The following NAA10 variants were observed in gnomAD, a reference collection of about 807,000 sequenced individuals.
NAA10 encodes the protein N-alpha-acetyltransferase 10.
Under a neutral mutation model 19.2 loss-of-function variants are expected in NAA10, and 6 were observed. The ratio of observed to expected loss-of-function variants is 0.31; its 90% CI spans 0.17 to 0.62. NAA10 has a LOEUF of 0.62. Among genes scored for constraint, NAA10 ranks in the 20% least tolerant of loss-of-function variants. The pLI is 0.83. For missense variants in NAA10, 101 were observed against 198.4 expected, an observed-to-expected ratio of 0.51 and a Z score of 2.95; for synonymous variants, 97 against 79.9, an observed-to-expected ratio of 1.21 and a Z score of -1.14.
At chrX:153,934,563 C>A in intron 1 of NAA10, 88 bp from the exon 2 acceptor site, 1 of 767,849 alleles carries the variant, frequency 1.3e-6, no homozygotes, top group South Asian at 2.2e-5. Flanking sequence ...GTCTGCTCGG[C>A]CCCGCTCCCT....
chrX:153,931,762 A>G (rs898152630), intron 6 of NAA10: 5 of 1,027,985 alleles, frequency 4.9e-6, no homozygotes, highest in Non-Finnish European at 6.2e-6. Context: ...AGGGACCCAC[A>G]CCTCTCTATT....
chrX:153,930,903 C>T, intron 6 of NAA10, 56 bp from the exon 7 acceptor site: 1 of 1,211,310 alleles, frequency 8.3e-7, no homozygotes, highest in Non-Finnish European at 1.1e-6. Flanking sequence ...GGGACACCCT[C>T]CTCCACTCCT....
At chrX:153,934,076 C>T in intron 2 of NAA10, 75 bp from the exon 3 acceptor site, 1 of 966,940 alleles carries the variant, frequency 1.0e-6, no homozygotes, top group Non-Finnish European at 1.5e-6. Context: ...ACAAACTGGA[C>T]GAGTGGCGAG....
intron 6 of NAA10, chrX:153,931,470 C>T (rs2065166087): frequency 3.7e-6 from 3 of 803,555 alleles, no homozygotes; most frequent in Admixed American, 7.0e-5. Context: ...CCCTACCAAA[C>T]GGGCTGAGTG....
intron 7 of NAA10, 79 bp from the exon 8 acceptor site, chrX:153,930,302 C>T (rs1557107193): frequency 6.3e-6 from 6 of 959,996 alleles, no homozygotes; most frequent in Admixed American, 2.2e-5. Flanking sequence ...CTGGCCCTGT[C>T]GCTGGCTGAG....
intron 6 of NAA10, chrX:153,931,110 C>T: frequency 9.4e-7 from 1 of 1,060,477 alleles, no homozygotes; most frequent in South Asian, 2.2e-5. Flanking sequence ...TTCTTGTGAG[C>T]TGAAGCCCTG....
chrX:153,931,786 A>C lies in NAA10; in HGVS notation c.386+285T>G, dbSNP rs1160127255. The C allele has an allele frequency of 5.7e-6, 6 of 1,056,252 alleles. 1 individual carries two copies. The highest frequency in any genetic ancestry group is 7.3e-6 in the Non-Finnish European group (6 of 820,867). The allele number at this position is 1,056,252 out of a possible 1,213,427, so 87.0% of individuals were successfully genotyped here. A position where few individuals can be genotyped will look rare whatever the true frequency, so the allele number is the denominator to read the frequency against. On this transcript the variant is annotated intron_variant, in intron 6 of 7. Coordinates refer to ENST00000464845, the MANE Select transcript of NAA10 (RefSeq NM_003491.4). ...CACCTCTCTATTCCCAAACATTACTAAACAGCCCGTGTGCCCTTCGCCAGC... is the reference window on the plus strand; with the variant it reads ...CACCTCTCTATTCCCAAACATTACTCAACAGCCCGTGTGCCCTTCGCCAGC...
At chrX:153,934,823 G>A in intron 1 of NAA10, 61 bp downstream of exon 1, 1 of 961,640 alleles carries the variant, frequency 1.0e-6, no homozygotes, top group South Asian at 3.3e-5. Context: ...GGGAGCATGC[G>A]CGGCAGCCAC....
intron 6 of NAA10, chrX:153,931,225 G>A (rs2065164879): frequency 1.1e-6 from 1 of 927,552 alleles, no homozygotes; most frequent in Non-Finnish European, 1.3e-6. Flanking sequence ...TGCCTGAGCA[G>A]CTCTGGGGCC....
At chrX:153,932,742 C>T in intron 3 of NAA10, 158 bp from the exon 4 acceptor site, 1 of 527,485 alleles carries the variant, frequency 1.9e-6, no homozygotes, top group Non-Finnish European at 3.3e-6. Flanking sequence ...CCGATCCTGC[C>T]ACCCTCTGCT....
At chrX:153,930,337 G>A in intron 7 of NAA10, 114 bp from the exon 8 acceptor site, 1 of 699,016 alleles carries the variant, frequency 1.4e-6, no homozygotes, top group Non-Finnish European at 2.3e-6. Context: ...GAGGCAGCAG[G>A]GCTAGGCAGG....
intron 1 of NAA10, 27 bp downstream of exon 1, chrX:153,934,857 G>A: frequency 1.0e-6 from 1 of 996,041 alleles, no homozygotes; most frequent in Non-Finnish European, 1.3e-6. Flanking sequence ...CACGCGGCGC[G>A]GACAGCCTCC....
intron 3 of NAA10, chrX:153,933,722 C>G (rs1329803586): frequency 5.3e-6 from 2 of 380,464 alleles, no homozygotes; most frequent in Non-Finnish European, 9.1e-6. Flanking sequence ...TCATTTATCA[C>G]TTGTCACAAG....
chrX:153,934,567 G>T (rs3747308), intron 1 of NAA10, 92 bp from the exon 2 acceptor site: 96 of 738,470 alleles, frequency 1.3e-4, no homozygotes, highest in Non-Finnish European at 1.9e-4. Flanking sequence ...GCTCGGCCCC[G>T]CTCCCTCGGG....
At chrX:153,933,388 G>C (rs782381484) in intron 3 of NAA10, among the ~76,000 whole-genome samples, 1 of 112,189 alleles carries the variant, frequency 8.9e-6, no homozygotes, top group Admixed American at 9.4e-5. Context: ...ATAATATATC[G>C]GCCAGGCGCA....
At chrX:153,930,735 C>T in intron 7 of NAA10, 28 bp downstream of exon 7, 1 of 1,208,784 alleles carries the variant, frequency 8.3e-7, no homozygotes, top group Non-Finnish European at 1.1e-6. Context: ...CCCCCGCTCG[C>T]CTTGCTTGGC....
At chrX:153,933,257 G>A (rs191127737) in intron 3 of NAA10, among the ~76,000 whole-genome samples, 6 of 112,286 alleles carry the variant, frequency 5.3e-5, no homozygotes, top group Admixed American at 1.9e-4. Flanking sequence ...GGATGAATGC[G>A]TGGAACACAG....
In NAA10 at chrX:153,932,097, G is replaced by T; in HGVS notation, c.360C>A (p.His120Gln). 8.3e-7 allele frequency: 1 copy of T among 1,211,960 alleles called. No homozygotes were observed. ...HVRKSNRAAL[H>Q]LYSNTLNFQI... The stretch of plus-strand genomic sequence containing the variant: ...GAAAGTTGAGGGTGTTGGAATAGAG[G>T]TGCAGGGCGGCCCGGTTACTGCAGG... The change falls in exon 6 of 8, where the codon CAC becomes CAA. Residue 120 changes from histidine to glutamine, a missense_variant. By Grantham distance (24) the His-to-Gln change is conservative. This residue lies in a region of NAA10 where 43 missense variants were observed against 122.6 expected (regional missense o/e 0.35). Coordinates refer to ENST00000464845, the MANE Select transcript of NAA10 (RefSeq NM_003491.4).
chrX:153,934,838 C>T (rs1165938656), intron 1 of NAA10, 46 bp downstream of exon 1: 8 of 984,185 alleles, frequency 8.1e-6, no homozygotes, highest in Non-Finnish European at 1.0e-5. Flanking sequence ...AGCCACCCGG[C>T]CCGGCGCCCA....
Sources: gnomAD v4.1 joint callset for allele counts (sites outside exome capture counted in the v4.1 genomes callset) on GRCh38, gnomAD v4.1.1 for gene constraint, gnomAD v4.1.1 regional missense constraint, MANE v1.5 for transcripts, NCBI Gene and HGNC (gene_info 2026-07-23, HGNC 2026-07-21) for gene names.